PRG3: variants seen among roughly 807,000 people sequenced by gnomAD.
PRG3 encodes proteoglycan 3, pro eosinophil major basic protein 2, also known as proteoglycan 3.
Under a neutral mutation model 26.1 loss-of-function variants are expected in PRG3, and 25 were observed. The ratio of observed to expected loss-of-function variants is 0.96; its 90% CI spans 0.70 to 1.34. The LOEUF is 1.34. PRG3 is among the 40% of genes most tolerant of loss of function. The probability of loss-of-function intolerance (pLI) is 0.00; values close to 1 mark genes in which losing one functional copy is unlikely to be tolerated. For missense variants in PRG3, 280 were observed against 264.8 expected (o/e 1.06, Z -0.40); for synonymous variants, 111 against 100.4 (o/e 1.11, Z -0.63).
chr11:57,377,745 C>A lies in PRG3; in HGVS notation c.599G>T (p.Cys200Phe). The change falls in exon 5 of 6, where the codon TGT becomes TTT. Residue 200 changes from cysteine (C) to phenylalanine (F), a missense_variant. Physicochemically the swap from Cys to Phe is radical, Grantham distance 205. Coordinates refer to ENST00000287143, the MANE Select transcript of PRG3 (RefSeq NM_006093.4). ...PGQPGNGQGS[C>F]VALCTKGGYW... ...CTCACCTTTGGTGCATAGGGCCACA[C>A]AGGAGCCTTGCCCATTCCCAGGTTG... The A allele has an allele frequency of 6.2e-7, 1 of 1,612,966 alleles. No homozygotes were observed. The highest frequency in any genetic ancestry group is 1.7e-5 in the Admixed American group (1 of 59,992).
rs1469367960 is a variant in PRG3, at chr11:57,379,803, A to T, written c.66T>A (p.Asn22Lys). 6.2e-7 allele frequency: 1 copy of T among 1,604,002 alleles called. No individual in the cohort carries two copies. Among genetic ancestry groups the T allele is most frequent in the African/African-American group, 1.3e-5 (1 of 74,618 alleles). Residue 22 changes from asparagine (N) to lysine (K), a missense_variant, in exon 3 of 6, where the codon AAT (asparagine) becomes AAA (lysine). Coordinates refer to ENST00000287143, the MANE Select transcript of PRG3 (RefSeq NM_006093.4). ...CTAGGCTCTCCAGATGGGGGGCATC[A>T]TTCTCTGGGAAGAAGAGGTAACCTG... The part of the protein sequence containing the change: ...LGTVSALHLE[N>K]DAPHLESLET...
chr11:57,379,224 T>C (rs1271185003), intron 3 of PRG3, among the ~76,000 whole-genome samples: 1 of 152,180 alleles, frequency 6.6e-6, no homozygotes, highest in Non-Finnish European at 1.5e-5. Flanking sequence ...CACCAAAGCC[T>C]TTTGTTTAAA....
intron 4 of PRG3, 50 bp from the exon 5 acceptor site, chr11:57,377,886 C>A (rs376681109): frequency 1.4e-5 from 21 of 1,468,884 alleles, no homozygotes; most frequent in Non-Finnish European, 2.0e-5. Context: ...GATCCAGGAC[C>A]TCATGGAATA....
intron 4 of PRG3, 28 bp downstream of exon 4, chr11:57,378,653 T>A: frequency 1.9e-6 from 3 of 1,609,698 alleles, no homozygotes; most frequent in Non-Finnish European, 2.5e-6. Context: ...AAGAACTTAC[T>A]GCACCCAAGA....
At position 57,380,677 on chromosome 11, in the gene PRG3, A is replaced by G. The variant is rs201918339; in HGVS notation, c.32T>C (p.Leu11Pro). 29 of 1,578,318 alleles carry G rather than the reference A, an allele frequency of 1.8e-5. No individual in the cohort carries two copies. Among genetic ancestry groups the G allele is most frequent in the Non-Finnish European group, 2.0e-5 (23 of 1,166,926 alleles). The change falls in exon 2 of 6, where the codon CTG becomes CCG. Residue 11 changes from leucine (L) to proline (P), a missense_variant. By Grantham distance (98) the Leu-to-Pro change is moderately conservative. Transcript: ENST00000287143. MQCLLLLPFL[L>P]LGTVSALHLE... The stretch of plus-strand genomic sequence containing the variant: ...ATGAAGAGCAGAAACTGTTCCCAGC[A>G]GGAGAAAGGGCAGGAGCAAGAGGCA...
chr11:57,378,588 C>A, intron 4 of PRG3, 93 bp downstream of exon 4: 1 of 1,513,898 alleles, frequency 6.6e-7, no homozygotes, highest in Non-Finnish European at 9.0e-7. Context: ...TTAAGGAAAC[C>A]TTAGCTGCTG....
At chr11:57,376,989 C>T in intron 5 of PRG3, 81 bp from the exon 6 acceptor site, 1 of 1,437,158 alleles carries the variant, frequency 7.0e-7, no homozygotes, top group Non-Finnish European at 9.7e-7. Context: ...TCAGGGGCCC[C>T]CTATGTCCCC....
intron 4 of PRG3, 128 bp downstream of exon 4, chr11:57,378,553 C>A: frequency 7.8e-7 from 1 of 1,280,320 alleles, no homozygotes; most frequent in Non-Finnish European, 1.1e-6. Flanking sequence ...TACAAGCCAT[C>A]TCCAGCACAT....
intron 5 of PRG3, 42 bp downstream of exon 5, chr11:57,377,683 T>A (rs772925255): frequency 1.3e-6 from 2 of 1,518,322 alleles, no homozygotes; most frequent in African/African-American, 2.7e-5. Context: ...AAGAATCCAC[T>A]TTACTATCCC....
Position 57,380,646 on chromosome 11 carries a change from AC to A in PRG3, c.61+1del. 6.4e-7 allele frequency: 1 copy of A among 1,573,378 alleles called. No homozygotes were observed. Among genetic ancestry groups the A allele is most frequent in the South Asian group, 1.2e-5 (1 of 84,220 alleles). ...GCATGAGGAGGGAAGGGAGAGACTT[AC>A]CCAGATGAAGAGCAGAAACTGTTCC... On this transcript the variant is annotated splice_donor_variant, in intron 2 of 5. Coordinates refer to ENST00000287143, the MANE Select transcript of PRG3 (RefSeq NM_006093.4). LOFTEE classifies it high-confidence loss of function.
At position 57,378,739 on chromosome 11, in the gene PRG3, C is replaced by A; in HGVS notation, c.449G>T (p.Cys150Phe). ...GGCTTGGTTGACTGTGCTAGTGCAG[C>A]ACTGAATGCGATAGTTGAAGTTGAA... ...HDFNFNYRIQ[C>F]CTSTVNQAQV... The change falls in exon 4 of 6, where the codon TGC becomes TTC. Residue 150 changes from cysteine to phenylalanine, a missense_variant. Cys to Phe is a radical substitution (Grantham distance 205). Transcript: ENST00000287143. The A allele has an allele frequency of 6.2e-7, 1 of 1,613,854 alleles. No homozygotes were observed. Among genetic ancestry groups the A allele is most frequent in the South Asian group, 1.1e-5 (1 of 91,078 alleles).
chr11:57,379,190 A>G (rs1041526332), intron 3 of PRG3, among the ~76,000 whole-genome samples: 10 of 152,234 alleles, frequency 6.6e-5, no homozygotes, highest in African/African-American at 2.4e-4. Flanking sequence ...AGGCAGAACC[A>G]GAATTTAACA....
chr11:57,379,440 T>C, intron 3 of PRG3, 54 bp downstream of exon 3: 1 of 1,465,574 alleles, frequency 6.8e-7, no homozygotes, highest in Non-Finnish European at 9.2e-7. Context: ...AACAGAAGAC[T>C]GAATGTACTC....
rs776682144 is a variant in PRG3, at chr11:57,376,872, A to G, written c.656T>C (p.Leu219Pro). 12 of 1,612,462 alleles carry G rather than the reference A, an allele frequency of 7.4e-6. No individual in the cohort carries two copies. In the South Asian group the frequency reaches 7.7e-5, roughly 10 times the overall value. Residue 219 changes from leucine (L) to proline (P), a missense_variant, in exon 6 of 6, where the codon CTG (leucine) becomes CCG (proline). Physicochemically the swap from Leu to Pro is moderately conservative, Grantham distance 98 (BLOSUM62 -3). Coordinates refer to ENST00000287143, the MANE Select transcript of PRG3 (RefSeq NM_006093.4). ...GGCTTAGAAGGAGCAGACGAAGGGC[A>G]GTTGCTTGTCGCATTGAGCTCGTCG... Reference protein sequence around the residue: ...YWRRAQCDKQLPFVCSF With the variant: ...YWRRAQCDKQPPFVCSF
chr11:57,380,568 G>A, intron 2 of PRG3, 80 bp downstream of exon 2: 2 of 1,299,152 alleles, frequency 1.5e-6, no homozygotes, highest in Non-Finnish European at 1.1e-6. Context: ...CCTCATGAGT[G>A]CAAATAAAAG....
intron 3 of PRG3, 150 bp from the exon 4 acceptor site, chr11:57,378,962 C>T: frequency 1.2e-6 from 1 of 834,728 alleles, no homozygotes; most frequent in East Asian, 2.5e-5. Flanking sequence ...GCTGTCAGGA[C>T]AATCCTACAG....
At chr11:57,378,602 T>A (rs1429481664) in intron 4 of PRG3, 79 bp downstream of exon 4, 17 of 1,556,972 alleles carry the variant, frequency 1.1e-5, no homozygotes, top group Non-Finnish European at 7.9e-6. Flanking sequence ...GCTGCTGGCC[T>A]GAGGCTTGGC....
At position 57,376,809 on chromosome 11, in the gene PRG3, G is replaced by A. The variant is rs1454892252; in HGVS notation, c.*41C>T. 1.7e-5 allele frequency: 28 copies of A among 1,600,850 alleles called. No individual in the cohort carries two copies. Among genetic ancestry groups the A allele is most frequent in the Non-Finnish European group, 2.3e-5 (27 of 1,169,804 alleles). On this transcript the variant is annotated 3_prime_UTR_variant, in exon 6 of 6. Transcript: ENST00000287143. ...GGATTTATGAGCAGGAGAGGTTGGG[G>A]GACGGGAGGGAGCTGCTGGCAGGGT... is the stretch of plus-strand genomic sequence containing the variant.
At position 57,380,701 on chromosome 11, in the gene PRG3, CA is replaced by C. The variant is rs762880616; in HGVS notation, c.7del (p.Cys3AlafsTer28). On this transcript the variant is annotated frameshift_variant, in exon 2 of 6. Transcript: ENST00000287143. LOFTEE classifies it high-confidence loss of function. MQ[C>X]LLLLPFLLLG... ...CAGGAGAAAGGGCAGGAGCAAGAGG[CA>C]TTGCATATCTACTGTCTTTTAGCGA... is the stretch of plus-strand genomic sequence containing the variant. The C allele has an allele frequency of 2.8e-5, 44 of 1,567,878 alleles. No individual in the cohort carries two copies. Among genetic ancestry groups the C allele is most frequent in the Non-Finnish European group, 3.8e-5 (44 of 1,161,918 alleles).
Sources: gnomAD v4.1 joint callset for allele counts (sites outside exome capture counted in the v4.1 genomes callset) on GRCh38, gnomAD v4.1.1 for gene constraint, MANE v1.5 for transcripts, NCBI Gene and HGNC (gene_info 2026-07-23, HGNC 2026-07-21) for gene names.